Variants in SNX9 observed in about 807,000 individuals in gnomAD.
SNX9 encodes sorting nexin 9.
SNX9 carries 44 observed loss-of-function variants against 89.4 expected under a neutral mutation model. That is an observed-to-expected ratio of 0.49 (90% CI 0.39 to 0.63). The LOEUF is 0.63. Among genes scored for constraint, SNX9 ranks in the 30% least tolerant of loss-of-function variants. The pLI is 0.00. For synonymous variants in SNX9, 236 were observed against 247.8 expected, an observed-to-expected ratio of 0.95 and a Z score of 0.45; for missense variants, 578 against 736.1, an observed-to-expected ratio of 0.79 and a Z score of 2.49.
intron 12 of SNX9, among the ~76,000 whole-genome samples, chr6:157,930,619 A>C (rs1783792602): frequency 1.3e-5 from 2 of 152,148 alleles, no homozygotes; most frequent in Non-Finnish European, 2.9e-5. Context: ...AGAAATTTGC[A>C]CCCTATTAAG....
intron 1 of SNX9, among the ~76,000 whole-genome samples, chr6:157,824,656 A>C (rs980542606): frequency 1.3e-5 from 2 of 152,128 alleles, no homozygotes; most frequent in African/African-American, 2.4e-5. Context: ...TGTGCTCTGA[A>C]TCCATCTAGG....
In SNX9 at chr6:157,927,145, A is replaced by G. The variant is rs760326433; in HGVS notation, c.1115A>G (p.Asp372Gly). 33 of 1,614,020 alleles carry G rather than the reference A, an allele frequency of 2.0e-5. No homozygotes were observed. Among genetic ancestry groups the G allele is most frequent in the Non-Finnish European group, 1.7e-6 (2 of 1,180,010 alleles). Residue 372 changes from aspartate to glycine, a missense_variant, in exon 11 of 18, where the codon GAT becomes GGT. Asp to Gly is a moderately conservative substitution (Grantham distance 94). Transcript: ENST00000392185. Reference sequence around the variant, plus strand: ...ACTGGAAAGAGGAAGGCCGAGAGAGATGAGCTGGCGGGAGTCATGATATTT... The same window carrying G: ...ACTGGAAAGAGGAAGGCCGAGAGAGGTGAGCTGGCGGGAGTCATGATATTT... The part of the protein sequence containing the change: ...WKTGKRKAER[D>G]ELAGVMIFST...
chr6:157,856,248 T>C (rs1193170070), intron 1 of SNX9, among the ~76,000 whole-genome samples: 1 of 152,242 alleles, frequency 6.6e-6, no homozygotes, highest in Non-Finnish European at 1.5e-5. Flanking sequence ...AAAAGACATT[T>C]TATTGTGGAG....
intron 1 of SNX9, among the ~76,000 whole-genome samples, chr6:157,824,230 T>C (rs1419141079): frequency 6.6e-6 from 1 of 152,202 alleles, no homozygotes; most frequent in Non-Finnish European, 1.5e-5. Flanking sequence ...CAGTCACTCT[T>C]GGCTACCTGA....
chr6:157,823,462 C>T lies in SNX9; in HGVS notation c.12+16C>T. 22 of 1,203,848 alleles carry T rather than the reference C, an allele frequency of 1.8e-5. No homozygotes were observed. Among genetic ancestry groups the T allele is most frequent in the Non-Finnish European group, 2.3e-5 (22 of 972,592 alleles). 74.6% of individuals were successfully genotyped at this position (1,203,848 alleles called of 1,614,324 possible). A position where few individuals can be genotyped will look rare whatever the true frequency, so the allele number is the denominator to read the frequency against. Reference sequence around the variant, plus strand: ...GGCCACCAAGGTGAGGGGCGCGCGGCGCAGGCCGGGCCGGTCGCTCAGGCC... The same window carrying T: ...GGCCACCAAGGTGAGGGGCGCGCGGTGCAGGCCGGGCCGGTCGCTCAGGCC... On this transcript the variant is annotated intron_variant, in intron 1 of 17. Transcript: ENST00000392185. This position sits in a 1 kb window ranked among gnomAD's most constrained non-coding sequence, Gnocchi z 4.6.
At chr6:157,887,954 T>G (rs1043676319) in intron 4 of SNX9, among the ~76,000 whole-genome samples, 4 of 152,124 alleles carry the variant, frequency 2.6e-5, no homozygotes, top group African/African-American at 9.7e-5. Context: ...TCTGCTGCAG[T>G]TTACCCATCA....
At chr6:157,888,229 A>AT (rs1043974783) in intron 4 of SNX9, among the ~76,000 whole-genome samples, 14 of 152,060 alleles carry the variant, frequency 9.2e-5, no homozygotes, top group African/African-American at 2.4e-4. Context: ...GAATATTAAC[A>AT]TTTTTTTTAA....
chr6:157,824,389 A>AC (rs1313656765), intron 1 of SNX9, among the ~76,000 whole-genome samples: 1 of 152,206 alleles, frequency 6.6e-6, no homozygotes, highest in Non-Finnish European at 1.5e-5. Flanking sequence ...GATCTGTGAT[A>AC]CACTGTGAGG....
At chr6:157,837,562 C>T (rs951722347) in intron 1 of SNX9, among the ~76,000 whole-genome samples, 2 of 152,102 alleles carry the variant, frequency 1.3e-5, no homozygotes, top group South Asian at 2.1e-4. Flanking sequence ...TGAATTTCAG[C>T]GGCTTCATTT....
At chr6:157,912,491 C>T (rs751646062) in intron 9 of SNX9, among the ~76,000 whole-genome samples, 11 of 152,162 alleles carry the variant, frequency 7.2e-5, no homozygotes, top group Non-Finnish European at 1.5e-4. Flanking sequence ...AGCAGCCCCT[C>T]GGTGTGAAGA....
At chr6:157,891,917 G>A (rs1330985516) in intron 4 of SNX9, among the ~76,000 whole-genome samples, 1 of 152,204 alleles carries the variant, frequency 6.6e-6, no homozygotes, top group Non-Finnish European at 1.5e-5. Context: ...GGGAGAATGG[G>A]GAATGCAGCA....
At chr6:157,856,091 G>T (rs9355410) in intron 1 of SNX9, among the ~76,000 whole-genome samples, 1 of 152,176 alleles carries the variant, frequency 6.6e-6, no homozygotes, top group African/African-American at 2.4e-5. Flanking sequence ...GTTGCCAGGC[G>T]GGTATGTTTT....
Position 157,896,926 on chromosome 6 carries a change from G to A in SNX9, c.400G>A (p.Ala134Thr), listed in dbSNP as rs1782989272. The change falls in exon 5 of 18, where the codon GCC (alanine) becomes ACC (threonine). Residue 134 changes from alanine to threonine, a missense_variant. This residue lies in a region of SNX9 where 230 missense variants were observed against 244.7 expected (regional missense o/e 0.94). Coordinates refer to ENST00000392185, the MANE Select transcript of SNX9 (RefSeq NM_016224.5). ...GGGGGCCCAGCCAGAGGGGGCTGGA[G>A]CCCAAAGAAACACAAACACTCCCAA... ...GWGAQPEGAG[A>T]QRNTNTPNNW... 2 of 1,613,032 alleles carry A rather than the reference G, an allele frequency of 1.2e-6. No individual in the cohort carries two copies. Among genetic ancestry groups the A allele is most frequent in the Non-Finnish European group, 1.7e-6 (2 of 1,179,712 alleles).
intron 1 of SNX9, among the ~76,000 whole-genome samples, chr6:157,827,496 GTTTATATAATATATAAACATAT>G: frequency 1.1e-4 from 2 of 18,318 alleles, no homozygotes; most frequent in Non-Finnish European, 1.5e-4. Flanking sequence ...TAAACTTATA[GTTTATATAATATATAAACATAT>G]AGTTTATATA....
intron 5 of SNX9, among the ~76,000 whole-genome samples, chr6:157,901,658 C>G (rs1244303610): frequency 6.6e-6 from 1 of 151,906 alleles, no homozygotes. Context: ...TCTGATAGCC[C>G]TCTTTAAGTT....
intron 10 of SNX9, among the ~76,000 whole-genome samples, chr6:157,925,309 A>G (rs1562620329): frequency 6.6e-6 from 1 of 150,928 alleles, no homozygotes; most frequent in Non-Finnish European, 1.5e-5. Flanking sequence ...AGATGCCACT[A>G]CACACGTGCC....
intron 1 of SNX9, among the ~76,000 whole-genome samples, chr6:157,828,393 T>C (rs1002185513): frequency 6.6e-6 from 1 of 152,254 alleles, no homozygotes; most frequent in Admixed American, 6.5e-5. Flanking sequence ...CTTAAAACTT[T>C]GTAGCTTTGC....
chr6:157,931,446 A>G (rs1202173693), intron 12 of SNX9, among the ~76,000 whole-genome samples: 1 of 152,208 alleles, frequency 6.6e-6, no homozygotes, highest in Non-Finnish European at 1.5e-5. Flanking sequence ...AGGCAAACAG[A>G]TGCTCCATTT....
intron 4 of SNX9, among the ~76,000 whole-genome samples, chr6:157,894,376 G>C (rs9365549): frequency 0.29 from 42,604 of 148,832 alleles, 6,969 homozygotes; most frequent in African/African-American, 0.45. Context: ...TCCGAAAGTG[G>C]TAGGATTATA....
Sources: allele counts gnomAD v4.1 joint callset (sites outside exome capture counted in the v4.1 genomes callset), GRCh38; gene constraint gnomAD v4.1.1; regional missense constraint gnomAD v4.1.1; non-coding constraint Gnocchi (gnomAD v3.1); transcripts MANE v1.5; gene names NCBI Gene and HGNC (gene_info 2026-07-23, HGNC 2026-07-21).